The following HAS3 variants were observed in gnomAD, a reference collection of about 807,000 sequenced individuals.
HAS3 encodes HA synthase 3.
In HAS3, 27 loss-of-function variants were observed where a neutral mutation model predicts 50.3. The ratio of observed to expected loss-of-function variants is 0.54; its 90% CI spans 0.40 to 0.74. The LOEUF (loss-of-function observed/expected upper bound fraction) is 0.74. Ranked by LOEUF, HAS3 falls within the 30% of genes least tolerant of loss-of-function variation. The pLI, the probability that HAS3 is intolerant of heterozygous loss-of-function variation, is 0.00. For missense variants in HAS3, 517 were observed against 742.8 expected, an observed-to-expected ratio of 0.70 and a Z score of 3.53; for synonymous variants, 339 against 310.9, an observed-to-expected ratio of 1.09 and a Z score of -0.95.
At chr16:69,118,366 A>C, downstream of HAS3, 4 of 1,606,626 alleles carry the variant, frequency 2.5e-6, no homozygotes, top group Non-Finnish European at 3.4e-6. Flanking sequence ...CCCCAGGGAA[A>C]GGTATGGCAG....
intron 2 of HAS3, among the ~76,000 whole-genome samples, chr16:69,112,282 C>G (rs1159271593): frequency 6.6e-6 from 1 of 152,236 alleles, no homozygotes; most frequent in Non-Finnish European, 1.5e-5. Flanking sequence ...CTCTGCTAGT[C>G]TGGCCTGAGG....
chr16:69,097,054 A>G, the HAS3 span, among the ~76,000 whole-genome samples: 186 of 152,266 alleles, frequency 1.2e-3, no homozygotes, highest in Non-Finnish European at 2.2e-3. Context: ...TAGGAGGCTA[A>G]GGTGGGAGGA....
rs199597689 is a variant in HAS3, at chr16:69,114,489, C to T, written c.885C>T (p.Leu295=). The stretch of plus-strand genomic sequence containing the variant: ...TGGGCATGTACCGCAACAGCCTCCT[C>T]CAGCAGTTCCTGGAGGACTGGTACC... ...GPLGMYRNSL[L]QQFLEDWYHQ... is the part of the protein sequence containing the mutation. The change falls in exon 4 of 4, where the codon CTC becomes CTT. Residue 295 remains leucine (L), a synonymous_variant. Coordinates refer to ENST00000569188, the MANE Select transcript of HAS3 (RefSeq NM_001199280.2). The surrounding 1 kb of genome is among the most constrained non-coding windows in gnomAD (Gnocchi z 6.4). 2.5e-6 allele frequency: 4 copies of T among 1,614,092 alleles called. No homozygotes were observed. In the East Asian group the frequency reaches 6.7e-5, roughly 27 times the overall value.
chr16:69,098,410 T>G, the HAS3 span, among the ~76,000 whole-genome samples: 2 of 151,180 alleles, frequency 1.3e-5, no homozygotes, highest in Non-Finnish European at 2.9e-5. Flanking sequence ...AGAATTTATC[T>G]TCATTTTTTT....
the HAS3 span, among the ~76,000 whole-genome samples, chr16:69,086,390 C>G: frequency 6.6e-6 from 1 of 152,088 alleles, no homozygotes; most frequent in African/African-American, 2.4e-5. Context: ...TCTTGAACTG[C>G]TGGCCTCAAG....
chr16:69,104,993 T>G (rs11648050), upstream of HAS3, among the ~76,000 whole-genome samples: 3,372 of 35,864 alleles, frequency 0.094, 118 homozygotes, highest in Middle Eastern at 0.16. Flanking sequence ...TGTTTTTTGG[T>G]TTTTTTTTTT....
At chr16:69,101,479 C>T (rs887763726), upstream of HAS3, among the ~76,000 whole-genome samples, 2 of 151,942 alleles carry the variant, frequency 1.3e-5, no homozygotes, top group Non-Finnish European at 2.9e-5. Flanking sequence ...TTTTGTGTTT[C>T]TAGTAGAGAC....
At position 69,114,454 on chromosome 16, in the gene HAS3, A is replaced by G. The variant is rs1416529634; in HGVS notation, c.850A>G (p.Ser284Gly). The G allele has an allele frequency of 6.2e-7, 1 of 1,613,962 alleles. No individual in the cohort carries two copies. The highest frequency in any genetic ancestry group is 8.5e-7 in the Non-Finnish European group (1 of 1,179,974). The stretch of plus-strand genomic sequence containing the variant: ...CTACTTTGGCTGTGTGCAGTGTATT[A>G]GTGGGCCCTTGGGCATGTACCGCAA... ...QSYFGCVQCI[S>G]GPLGMYRNSL... Residue 284 changes from serine to glycine, a missense_variant, in exon 4 of 4, where the codon AGT becomes GGT. Ser to Gly is a moderately conservative substitution (Grantham distance 56, BLOSUM62 0). Coordinates refer to ENST00000569188, the MANE Select transcript of HAS3 (RefSeq NM_001199280.2). This position sits in a 1 kb window ranked among gnomAD's most constrained non-coding sequence, Gnocchi z 6.4.
chr16:69,115,328 G>T lies in HAS3; in HGVS notation c.*62G>T, dbSNP rs1961147124. 6.8e-7 allele frequency: 1 copy of T among 1,474,382 alleles called. No individual in the cohort carries two copies. 91.3% of individuals were successfully genotyped at this position (1,474,382 alleles called of 1,614,324 possible). ...TAAGGGAGGGAAGGGGAATGGAAGA[G>T]AAAAGACAGGGTGGGAGGGAGGAGG... On this transcript the variant is annotated 3_prime_UTR_variant, in exon 4 of 4. Coordinates refer to ENST00000569188, the MANE Select transcript of HAS3 (RefSeq NM_001199280.2).
upstream of HAS3, among the ~76,000 whole-genome samples, chr16:69,101,878 G>A (rs528029621): frequency 4.5e-4 from 68 of 151,978 alleles, no homozygotes; most frequent in East Asian, 3.1e-3. Flanking sequence ...TCCGCCTCCC[G>A]GGTTCAAACG....
At position 69,117,228 on chromosome 16, in the gene HAS3, G is replaced by C. The variant is rs767046762; in HGVS notation, c.*1962G>C. 43 of 985,744 alleles carry C rather than the reference G, an allele frequency of 4.4e-5. No homozygotes were observed. The highest frequency in any genetic ancestry group is 5.2e-5 in the Non-Finnish European group (43 of 829,936). 61.1% of individuals were successfully genotyped at this position (985,744 alleles called of 1,614,324 possible). On this transcript the variant is annotated 3_prime_UTR_variant, in exon 4 of 4. Transcript: ENST00000569188. ...AAGTGCAGAGTTCAGACTTCGCTAA[G>C]GGCTTGTTTTTCTTCAGCATTTACT...
the HAS3 span, among the ~76,000 whole-genome samples, chr16:69,098,287 C>T: frequency 6.6e-6 from 1 of 151,900 alleles, no homozygotes; most frequent in African/African-American, 2.4e-5. Context: ...AGGAGAATGG[C>T]GTGAACCCGG....
At chr16:69,083,513 A>G in the HAS3 span, 8 of 1,612,314 alleles carry the variant, frequency 5.0e-6, no homozygotes, top group African/African-American at 1.3e-5. Flanking sequence ...AAGGATCTCT[A>G]CCACCTGCTG....
At position 69,115,294 on chromosome 16, in the gene HAS3, T is replaced by C. The variant is rs757140506; in HGVS notation, c.*28T>C. 1 of 1,503,248 alleles carries C rather than the reference T, an allele frequency of 6.7e-7. No individual in the cohort carries two copies. Among genetic ancestry groups the C allele is most frequent in the Non-Finnish European group, 8.9e-7 (1 of 1,129,384 alleles). 93.1% of individuals were successfully genotyped at this position (1,503,248 alleles called of 1,614,324 possible). ...TGGCCCCCAAGCAGAGCGGGTAAAG[T>C]GCAATGGGTAAGGGAGGGAAGGGGA... is the stretch of plus-strand genomic sequence containing the variant. On this transcript the variant is annotated 3_prime_UTR_variant, in exon 4 of 4. Transcript: ENST00000569188.
chr16:69,099,270 C>CTAATTCATACGATTTT, the HAS3 span, among the ~76,000 whole-genome samples: 1 of 151,786 alleles, frequency 6.6e-6, no homozygotes. Flanking sequence ...CGCGCCCGGC[C>CTAATTCATACGATTTT]AAACCTGATC....
At chr16:69,086,819 G>T in the HAS3 span, among the ~76,000 whole-genome samples, 143 of 152,278 alleles carry the variant, frequency 9.4e-4, 1 homozygote, top group Non-Finnish European at 5.7e-4. Context: ...CGGGAGAATC[G>T]CTTGAACCTG....
chr16:69,118,360 A>G, downstream of HAS3: 1 of 1,601,360 alleles, frequency 6.2e-7, no homozygotes, highest in Non-Finnish European at 8.6e-7. Flanking sequence ...TCAAGCCCCC[A>G]GGGAAAGGTA....
Position 69,114,333 on chromosome 16 carries a change from T to C in HAS3, c.739-10T>C, listed in dbSNP as rs1219969051. On this transcript the variant is annotated splice_polypyrimidine_tract_variant and intron_variant, in intron 3 of 3. Transcript: ENST00000569188. This position sits in a 1 kb window ranked among gnomAD's most constrained non-coding sequence, Gnocchi z 6.4. ...ACCTTAGGAGGCCCAGCATCTCTAT[T>C]CCCTTGCAGATCCTCAACAAGTACG... is the stretch of plus-strand genomic sequence containing the variant. 2 of 1,586,318 alleles carry C rather than the reference T, an allele frequency of 1.3e-6. No individual in the cohort carries two copies. The highest frequency in any genetic ancestry group is 1.7e-5 in the Admixed American group (1 of 59,084).
chr16:69,105,325 C>T (rs1319729482), upstream of HAS3, among the ~76,000 whole-genome samples: 1 of 152,046 alleles, frequency 6.6e-6, no homozygotes, highest in African/African-American at 2.4e-5. Flanking sequence ...AACAACTCTC[C>T]CCCCTCCTCG....
Sources: gnomAD v4.1 joint callset for allele counts (sites outside exome capture counted in the v4.1 genomes callset) on GRCh38, gnomAD v4.1.1 for gene constraint, Gnocchi (gnomAD v3.1) non-coding constraint, MANE v1.5 for transcripts, NCBI Gene and HGNC (gene_info 2026-07-23, HGNC 2026-07-21) for gene names.